TRAK1: variants seen among roughly 807,000 people sequenced by gnomAD.
The protein encoded by TRAK1 is trafficking kinesin protein 1.
TRAK1 carries 33 observed loss-of-function variants against 92.1 expected under a neutral mutation model. The ratio of observed to expected loss-of-function variants is 0.36; its 90% CI spans 0.27 to 0.48. The LOEUF is 0.48. TRAK1 is among the 20% of genes least tolerant of loss of function. The pLI is 0.99. For synonymous variants in TRAK1, 521 were observed against 517.3 expected (o/e 1.01, Z -0.10); for missense variants, 1,123 against 1,257.9 (o/e 0.89, Z 1.62).
chr3:42,125,995 C>T (rs761738155), intron 2 of TRAK1, among the ~76,000 whole-genome samples: 29 of 152,058 alleles, frequency 1.9e-4, no homozygotes, highest in Admixed American at 2.6e-4. Context: ...GGGCTACAGG[C>T]GCGCACCACC....
In TRAK1 at chr3:42,193,128, G is replaced by A; in HGVS notation, c.823G>A (p.Glu275Lys). Residue 275 changes from glutamate (E) to lysine (K), a missense_variant, in exon 8 of 16, where the codon GAA becomes AAA. Glu to Lys is a moderately conservative substitution (Grantham distance 56, BLOSUM62 1). Around this residue, in one of 3 missense-constraint regions of TRAK1, gnomAD observed 686 missense variants for 747.6 expected, o/e 0.92. Coordinates refer to ENST00000327628, the MANE Select transcript of TRAK1 (RefSeq NM_001042646.3). ...CTCAGAGGAACTGGCCAAGAAGACGGAAGATGCTGCCCGCCAGCAAGAGGA... is the reference window on the plus strand; with the variant it reads ...CTCAGAGGAACTGGCCAAGAAGACGAAAGATGCTGCCCGCCAGCAAGAGGA... ...SISEELAKKTEDAARQQEEIT... is the reference protein window; with the variant it reads ...SISEELAKKTKDAARQQEEIT... 6.2e-7 allele frequency: 1 copy of A among 1,614,234 alleles called. No homozygotes were observed. Among genetic ancestry groups the A allele is most frequent in the East Asian group, 2.2e-5 (1 of 44,882 alleles).
chr3:42,203,210 T>C (rs1042604424), intron 13 of TRAK1: 102 of 1,109,750 alleles, frequency 9.2e-5, no homozygotes, highest in Non-Finnish European at 1.1e-4. Context: ...GATTTTTTTT[T>C]CCCCATAACC....
At chr3:42,160,863 A>C (rs999058632) in intron 2 of TRAK1, among the ~76,000 whole-genome samples, 19 of 152,090 alleles carry the variant, frequency 1.2e-4, no homozygotes, top group African/African-American at 3.6e-4. Flanking sequence ...TGTTGTTGCT[A>C]ATATCACTAA....
At chr3:42,051,857 A>G (rs1053954953) in intron 1 of TRAK1, among the ~76,000 whole-genome samples, 1 of 152,160 alleles carries the variant, frequency 6.6e-6, no homozygotes, top group African/African-American at 2.4e-5. Flanking sequence ...TTCACCCCCA[A>G]TTCCCAGAAT....
At chr3:42,203,089 A>G (rs962625682) in intron 13 of TRAK1, 22 of 1,231,910 alleles carry the variant, frequency 1.8e-5, no homozygotes, top group Non-Finnish European at 2.0e-5. Flanking sequence ...AACTGATTCA[A>G]AAATTAATTA....
rs750458473 is a variant in TRAK1 at position 42,202,486 on chromosome 3, A to G, written c.1478A>G (p.His493Arg). The G allele has an allele frequency of 1.3e-6, 2 of 1,501,622 alleles. No homozygotes were observed. Among genetic ancestry groups the G allele is most frequent in the Non-Finnish European group, 8.9e-7 (1 of 1,122,080 alleles). The allele number at this position is 1,501,622 out of a possible 1,614,324, so 93.0% of individuals were successfully genotyped here. Residue 493 changes from histidine to arginine, a missense_variant, in exon 13 of 16, where the codon CAC becomes CGC. Physicochemically the swap from His to Arg is conservative, Grantham distance 29. Transcript: ENST00000327628. The surrounding 1 kb of genome is among the most constrained non-coding windows in gnomAD (Gnocchi z 6.1). ...GGGACGCCGGGCACCCCAGGCTCCC[A>G]CGACCTGGAGACGGCGCTGAGGCGG... The part of the protein sequence containing the change: ...KPGTPGTPGS[H>R]DLETALRRLS...
At chr3:42,178,192 AGGC>A (rs59310226) in intron 3 of TRAK1, among the ~76,000 whole-genome samples, 115,776 of 151,460 alleles carry the variant, frequency 0.76, 44,540 homozygotes, top group East Asian at 0.99. Context: ...TTTTATTCCA[AGGC>A]GGCCACCACT....
chr3:42,107,539 A>T (rs1707760301), intron 1 of TRAK1, among the ~76,000 whole-genome samples: 1 of 151,936 alleles, frequency 6.6e-6, no homozygotes, highest in Non-Finnish European at 1.5e-5. Flanking sequence ...AAAGAAATTA[A>T]TTATTTATAA....
intron 1 of TRAK1, among the ~76,000 whole-genome samples, chr3:42,040,786 C>G (rs139614298): frequency 1.3e-5 from 2 of 151,788 alleles, no homozygotes; most frequent in Non-Finnish European, 2.9e-5. Flanking sequence ...TCAAGCAGTT[C>G]TCCTGCCTCA....
chr3:42,164,649 G>A (rs193204068), intron 2 of TRAK1, among the ~76,000 whole-genome samples: 2 of 152,326 alleles, frequency 1.3e-5, no homozygotes, highest in African/African-American at 4.8e-5. Flanking sequence ...GGGAGACCAG[G>A]CAGCAGGAGA....
chr3:42,091,473 G>A lies in TRAK1; in HGVS notation c.4G>A (p.Ala2Thr). Residue 2 changes from alanine to threonine, a missense_variant, in exon 1 of 16, where the codon GCA (alanine) becomes ACA (threonine). By Grantham distance (58) the Ala-to-Thr change is moderately conservative (BLOSUM62 0). Transcript: ENST00000327628. ...CCTTTGGAGTTTATGTCTGCACATG[G>A]CATTGGTTTTTCAATTCGGGCAGCC... MALVFQFGQPVR... is the reference protein window; with the variant it reads MTLVFQFGQPVR... The A allele has an allele frequency of 6.2e-7, 1 of 1,613,540 alleles. No individual in the cohort carries two copies. The highest frequency in any genetic ancestry group is 8.5e-7 in the Non-Finnish European group (1 of 1,179,784).
At chr3:42,097,458 C>T (rs1293437007) in intron 1 of TRAK1, among the ~76,000 whole-genome samples, 1 of 152,164 alleles carries the variant, frequency 6.6e-6, no homozygotes, top group Middle Eastern at 3.2e-3. Flanking sequence ...CACATTTGCT[C>T]TTTGCCAGCT....
At chr3:42,128,404 T>G (rs1256234278) in intron 2 of TRAK1, among the ~76,000 whole-genome samples, 2 of 152,180 alleles carry the variant, frequency 1.3e-5, no homozygotes. Flanking sequence ...TTAACTTAAT[T>G]CTGTATCTTC....
At chr3:42,043,375 CTT>C (rs1053623606) in intron 1 of TRAK1, among the ~76,000 whole-genome samples, 1 of 151,848 alleles carries the variant, frequency 6.6e-6, no homozygotes, top group Non-Finnish European at 1.5e-5. Flanking sequence ...CCCTCACCCT[CTT>C]CTTTCCCTCC....
intron 1 of TRAK1, among the ~76,000 whole-genome samples, chr3:42,109,233 T>C (rs1294246042): frequency 6.6e-6 from 1 of 152,220 alleles, no homozygotes; most frequent in African/African-American, 2.4e-5. Flanking sequence ...TACCACTCCA[T>C]AAGTGTTTAC....
Position 42,080,586 on chromosome 3 carries a change from G to A in TRAK1, c.-518-6518G>A, listed in dbSNP as rs1163701236. 5.3e-5 allele frequency among the ~76,000 whole-genome samples: 8 copies of A among 152,114 alleles called. 1 individual carries two copies. Among genetic ancestry groups the A allele is most frequent in the Admixed American group, 5.2e-4 (8 of 15,278 alleles). On this transcript the variant is annotated intron_variant, in intron 1 of 16. Coordinates refer to the TRAK1 transcript ENST00000487159. ...AGAAGCCTTTTGCCTGGTGTGCCAG[G>A]GTTTGCTGGAGCCAGAGAACATCCA...
At chr3:42,018,905 C>A (rs988320137) in intron 1 of TRAK1, among the ~76,000 whole-genome samples, 12 of 152,094 alleles carry the variant, frequency 7.9e-5, no homozygotes, top group African/African-American at 2.9e-4. Flanking sequence ...AGGTGGATTG[C>A]GAGGTCATGA....
At chr3:42,056,280 C>T (rs1020206217) in intron 1 of TRAK1, among the ~76,000 whole-genome samples, 14 of 152,248 alleles carry the variant, frequency 9.2e-5, no homozygotes, top group East Asian at 3.9e-4. Flanking sequence ...AAAGTGGCTG[C>T]GCTATTTTAC....
chr3:42,176,551 A>C (rs973023743), intron 2 of TRAK1, among the ~76,000 whole-genome samples: 1 of 152,202 alleles, frequency 6.6e-6, no homozygotes, highest in Admixed American at 6.5e-5. Context: ...CTTCACCCTC[A>C]GCACATGCTC....
Sources: allele counts gnomAD v4.1 joint callset (sites outside exome capture counted in the v4.1 genomes callset), GRCh38; gene constraint gnomAD v4.1.1; regional missense constraint gnomAD v4.1.1; non-coding constraint Gnocchi (gnomAD v3.1); transcripts MANE v1.5; gene names NCBI Gene and HGNC (gene_info 2026-07-23, HGNC 2026-07-21).